Variants in NCAPD3 observed in about 807,000 individuals in gnomAD.
NCAPD3 encodes non-SMC condensin II complex subunit D3.
A neutral mutation model predicts 182.9 loss-of-function variants in NCAPD3; 105 were observed. The ratio of observed to expected loss-of-function variants is 0.57; its 90% CI spans 0.49 to 0.68. NCAPD3 has a LOEUF of 0.68. Ranked by LOEUF, NCAPD3 falls within the 30% of genes least tolerant of loss-of-function variation. NCAPD3 has a pLI of 0.00. For missense variants in NCAPD3, 1,944 were observed against 1,837.0 expected (o/e 1.06, Z -1.07); for synonymous variants, 815 against 679.9 (o/e 1.20, Z -3.09).
intron 13 of NCAPD3, 105 bp from the exon 14 acceptor site, chr11:134,194,843 T>C (rs772546162): frequency 3.1e-6 from 2 of 652,434 alleles, no homozygotes; most frequent in Non-Finnish European, 5.1e-6. Flanking sequence ...TAAAGACTCA[T>C]TAGCTTGTTT....
At chr11:134,224,133 C>G (rs1428826137), upstream of NCAPD3, 1 of 623,142 alleles carries the variant, frequency 1.6e-6, no homozygotes, top group East Asian at 2.8e-5. Context: ...AAGTGGAAGC[C>G]AAACAAGGCT....
intron 7 of NCAPD3, 101 bp from the exon 8 acceptor site, chr11:134,206,833 G>A: frequency 7.8e-7 from 1 of 1,283,192 alleles, no homozygotes; most frequent in South Asian, 1.6e-5. Flanking sequence ...GCCATCTGAA[G>A]GTAGGTCAGG....
intron 28 of NCAPD3, 106 bp downstream of exon 28, chr11:134,161,675 G>T: frequency 1.4e-6 from 1 of 714,316 alleles, no homozygotes; most frequent in South Asian, 1.7e-5. Context: ...TGCAGAATTT[G>T]GGGTTCTAAT....
intron 6 of NCAPD3, 35 bp downstream of exon 6, chr11:134,209,110 C>T (rs1937728855): frequency 6.3e-7 from 1 of 1,599,104 alleles, no homozygotes; most frequent in Non-Finnish European, 8.6e-7. Flanking sequence ...GTACACTATA[C>T]TTAAATTGTA....
chr11:134,222,916 CCT>C (rs1197924885), intron 1 of NCAPD3, among the ~76,000 whole-genome samples: 2 of 152,156 alleles, frequency 1.3e-5, no homozygotes, highest in African/African-American at 4.8e-5. Context: ...TACAAAAACC[CCT>C]GTGAGGTAGA....
intron 24 of NCAPD3, among the ~76,000 whole-genome samples, chr11:134,169,575 C>G (rs938125612): frequency 6.6e-6 from 1 of 152,192 alleles, no homozygotes; most frequent in Admixed American, 6.5e-5. Context: ...GGACAAGTTC[C>G]CTCTGCAAAG....
At chr11:134,158,656 C>T (rs930191004) in intron 29 of NCAPD3, among the ~76,000 whole-genome samples, 161 bp from the exon 30 acceptor site, 2 of 152,218 alleles carry the variant, frequency 1.3e-5, no homozygotes, top group East Asian at 1.9e-4. Context: ...TCACCTCAAA[C>T]GTGAGTATCT....
chr11:134,189,742 C>T (rs1944485869), intron 16 of NCAPD3, among the ~76,000 whole-genome samples: 1 of 152,158 alleles, frequency 6.6e-6, no homozygotes, highest in Admixed American at 6.5e-5. Context: ...CCTTTAGGAA[C>T]ACATAACTCT....
At chr11:134,155,348 G>T (rs779528778) in intron 32 of NCAPD3, among the ~76,000 whole-genome samples, 3 of 152,118 alleles carry the variant, frequency 2.0e-5, no homozygotes, top group African/African-American at 7.2e-5. Context: ...AGAGAAAACA[G>T]AACTGAGTGC....
At chr11:134,176,163 T>C (rs889659736) in intron 24 of NCAPD3, 144 bp downstream of exon 24, 6 of 653,032 alleles carry the variant, frequency 9.2e-6, no homozygotes, top group Non-Finnish European at 1.6e-5. Context: ...CTTAGCATCT[T>C]AAAAATCTGC....
At chr11:134,213,581 G>A (rs1467107127) in intron 3 of NCAPD3, among the ~76,000 whole-genome samples, 2 of 151,226 alleles carry the variant, frequency 1.3e-5, no homozygotes, top group African/African-American at 4.9e-5. Flanking sequence ...GCCTCCCAAA[G>A]TGCTGGGACT....
Position 134,203,766 on chromosome 11 carries a change from A to T in NCAPD3, c.1356T>A (p.Arg452=). ...KFLVQEIMFD[R]CLDKAPTVRS... ...GGACAGTAGGCGCCTTGTCTAAGCA[A>T]CGATCAAACATAATTTCCTGCACCA... The change falls in exon 11 of 35, where the codon CGT becomes CGA. Residue 452 remains arginine, a synonymous_variant. Coordinates refer to ENST00000534548, the MANE Select transcript of NCAPD3 (RefSeq NM_015261.3). The T allele has an allele frequency of 2.5e-6, 4 of 1,614,228 alleles. No individual in the cohort carries two copies. Among genetic ancestry groups the T allele is most frequent in the Non-Finnish European group, 3.4e-6 (4 of 1,180,046 alleles).
At chr11:134,223,170 C>T (rs1170363328) in intron 1 of NCAPD3, 6 of 537,218 alleles carry the variant, frequency 1.1e-5, no homozygotes, top group African/African-American at 3.8e-5. Context: ...AGGCTTGACA[C>T]ATTCAAAGCT....
In NCAPD3 at chr11:134,169,096, T is replaced by C. The variant is rs779446458; in HGVS notation, c.3102-42A>G. ...AACAAAGAGGGAGACCCATTTGCTATGTACCAACAGTCTCTGAATACACCA... is the reference window on the plus strand; with the variant it reads ...AACAAAGAGGGAGACCCATTTGCTACGTACCAACAGTCTCTGAATACACCA... On this transcript the variant is annotated intron_variant, in intron 24 of 34. Transcript: ENST00000534548. 5.0e-6 allele frequency: 8 copies of C among 1,595,136 alleles called. No homozygotes were observed. In the African/African-American group the frequency reaches 6.7e-5, roughly 13 times the overall value.
In NCAPD3 at chr11:134,203,161, G is replaced by C. The variant is rs772650940; in HGVS notation, c.1506C>G (p.Thr502=). 6.3e-7 allele frequency: 1 copy of C among 1,596,426 alleles called. No individual in the cohort carries two copies. Among genetic ancestry groups the C allele is most frequent in the Non-Finnish European group, 8.6e-7 (1 of 1,164,484 alleles). Reference sequence around the variant, plus strand: ...CATTACCTGATGAATTTCTCAGTAAGGTACCAGGGTGACTCTCTATTACAG... The same window carrying C: ...CATTACCTGATGAATTTCTCAGTAACGTACCAGGGTGACTCTCTATTACAG... ...TFSVIESHPG[T]LLRNSSAFSY... Residue 502 remains threonine (T), a synonymous_variant, in exon 12 of 35, where the codon ACC becomes ACG. Transcript: ENST00000534548.
chr11:134,219,368 T>C (rs1364817600), intron 2 of NCAPD3, among the ~76,000 whole-genome samples: 3 of 152,120 alleles, frequency 2.0e-5, no homozygotes, highest in Non-Finnish European at 2.9e-5. Flanking sequence ...GGCACTGAAC[T>C]CTCCACCCCC....
chr11:134,161,754 C>T (rs1180162240), intron 28 of NCAPD3, 27 bp downstream of exon 28: 3 of 1,356,900 alleles, frequency 2.2e-6, no homozygotes, highest in East Asian at 4.6e-5. Context: ...AGGACAACAA[C>T]CACAAAAGCA....
At chr11:134,225,391 C>T (rs369738921), upstream of NCAPD3, 29 of 1,596,896 alleles carry the variant, frequency 1.8e-5, no homozygotes, top group Non-Finnish European at 2.2e-5. Context: ...GACAGCCGGC[C>T]GGGGAGCAGG....
At chr11:134,162,932 C>T (rs1943629291) in intron 27 of NCAPD3, among the ~76,000 whole-genome samples, 1 of 152,124 alleles carries the variant, frequency 6.6e-6, no homozygotes, top group African/African-American at 2.4e-5. Flanking sequence ...AGTGCATGGC[C>T]ATCTGATGGA....
Sources: gnomAD v4.1 joint callset for allele counts (sites outside exome capture counted in the v4.1 genomes callset) on GRCh38, gnomAD v4.1.1 for gene constraint, MANE v1.5 for transcripts, NCBI Gene and HGNC (gene_info 2026-07-23, HGNC 2026-07-21) for gene names.